SCD: variants seen among roughly 807,000 people sequenced by gnomAD.
SCD encodes acyl-CoA desaturase.
Under a neutral mutation model 35.7 loss-of-function variants are expected in SCD, and 4 were observed. The observed-to-expected ratio is 0.11, with a 90% CI of 0.06 to 0.26. The LOEUF is 0.26. Among genes scored for constraint, SCD ranks in the 10% least tolerant of loss-of-function variants. SCD has a pLI of 1.00. For missense variants in SCD, 282 were observed against 460.7 expected, an observed-to-expected ratio of 0.61 and a Z score of 3.55; for synonymous variants, 150 against 170.2, an observed-to-expected ratio of 0.88 and a Z score of 0.92.
At position 100,364,746 on chromosome 10, in the gene SCD, A is replaced by C. The variant is rs201893450; in HGVS notation, c.*3813A>C. 3 of 152,536 alleles carry C rather than the reference A, an allele frequency of 2.0e-5. No individual in the cohort carries two copies. Among genetic ancestry groups the C allele is most frequent in the Non-Finnish European group, 4.4e-5 (3 of 68,032 alleles). 9.4% of individuals were successfully genotyped at this position (152,536 alleles called of 1,614,324 possible). A position where few individuals can be genotyped will look rare whatever the true frequency, so the allele number is the denominator to read the frequency against. ...TTGTGACAAGAATAATTTTGGAATA[A>C]TTTCTATTAATATCAACTCTGAAGC... is the stretch of plus-strand genomic sequence containing the variant. On this transcript the variant is annotated 3_prime_UTR_variant, in exon 6 of 6. Transcript: ENST00000370355.
chr10:100,349,783 G>A lies in SCD; in HGVS notation c.310+1437G>A, dbSNP rs77647264. Reference sequence around the variant, plus strand: ...GCTCTTGTATTTGTGAGGGGAGGGCGACATCTGTTGTCTAGCCCCTCTGAG... The same window carrying A: ...GCTCTTGTATTTGTGAGGGGAGGGCAACATCTGTTGTCTAGCCCCTCTGAG... On this transcript the variant is annotated intron_variant, in intron 2 of 5. Transcript: ENST00000370355. Among the ~76,000 whole-genome samples, 401 of 152,200 alleles carry A rather than the reference G, an allele frequency of 2.6e-3. 2 individuals are homozygous for A. The highest frequency in any genetic ancestry group is 9.4e-3 in the African/African-American group (391 of 41,500).
chr10:100,347,510 G>T lies in SCD; in HGVS notation c.6G>T (p.Pro2=). 1 of 1,613,946 alleles carries T rather than the reference G, an allele frequency of 6.2e-7. No individual in the cohort carries two copies. ...CCCGGCATCCGAGAGCCAAGATGCC[G>T]GCCCACTTGCTGCAGGACGATGTGA... M[P]AHLLQDDISS... The change falls in exon 1 of 6, where the codon CCG becomes CCT. Residue 2 remains proline (P), a synonymous_variant. Transcript: ENST00000370355.
At chr10:100,348,027 T>G (rs1354068160) in intron 1 of SCD, 37 bp from the exon 2 acceptor site, 1 of 1,599,124 alleles carries the variant, frequency 6.3e-7, no homozygotes, top group Non-Finnish European at 8.5e-7. Context: ...CCTCCACGTG[T>G]CTCTTCTCCT....
intron 2 of SCD, among the ~76,000 whole-genome samples, chr10:100,349,799 C>A (rs1849852385): frequency 6.6e-6 from 1 of 151,926 alleles, no homozygotes; most frequent in South Asian, 2.1e-4. Context: ...TGTTGTCTAG[C>A]CCCTCTGAGG....
chr10:100,360,097 G>A (rs913306955), intron 5 of SCD, among the ~76,000 whole-genome samples: 1 of 152,168 alleles, frequency 6.6e-6, no homozygotes, highest in African/African-American at 2.4e-5. Context: ...CCAGCCCCTG[G>A]GCTGGCCTTT....
At chr10:100,349,035 G>A (rs1174012381) in intron 2 of SCD, among the ~76,000 whole-genome samples, 1 of 152,162 alleles carries the variant, frequency 6.6e-6, no homozygotes, top group Non-Finnish European at 1.5e-5. Flanking sequence ...TATGTTTCAT[G>A]TTCCATCCCC....
Position 100,356,617 on chromosome 10 carries a change from A to G in SCD, c.733A>G (p.Ser245Gly). ...TTTCTGGGGTGAAACTTTTCAAAACAGTGTGTTCGTTGCCACTTTCTTGCG... is the reference window on the plus strand; with the variant it reads ...TTTCTGGGGTGAAACTTTTCAAAACGGTGTGTTCGTTGCCACTTTCTTGCG... The part of the protein sequence containing the change: ...WYFWGETFQN[S>G]VFVATFLRYA... Residue 245 changes from serine to glycine, a missense_variant, in exon 5 of 6, where the codon AGT becomes GGT. By Grantham distance (56) the Ser-to-Gly change is moderately conservative. Coordinates refer to ENST00000370355, the MANE Select transcript of SCD (RefSeq NM_005063.5). This position sits in a 1 kb window ranked among gnomAD's most constrained non-coding sequence, Gnocchi z 4.1. The G allele has an allele frequency of 1.9e-6, 3 of 1,614,210 alleles. No individual in the cohort carries two copies. Among genetic ancestry groups the G allele is most frequent in the Non-Finnish European group, 2.5e-6 (3 of 1,180,040 alleles).
rs541619640 is a variant in SCD, at chr10:100,352,027, G to A, written c.311-339G>A. On this transcript the variant is annotated intron_variant, in intron 2 of 5. Coordinates refer to ENST00000370355, the MANE Select transcript of SCD (RefSeq NM_005063.5). This position sits in a 1 kb window ranked among gnomAD's most constrained non-coding sequence, Gnocchi z 4.2. ...TTGTGGCCCTTAAAACCTTAGAGAA[G>A]GCCTAGATAGAGGTGAAAGGAGATA... is the stretch of plus-strand genomic sequence containing the variant. 6.6e-6 allele frequency among the ~76,000 whole-genome samples: 1 copy of A among 152,208 alleles called. No homozygotes were observed. Among genetic ancestry groups the A allele is most frequent in the African/African-American group, 2.4e-5 (1 of 41,520 alleles).
At position 100,351,396 on chromosome 10, in the gene SCD, G is replaced by A. The variant is rs115891975; in HGVS notation, c.311-970G>A. Among the ~76,000 whole-genome samples the A allele has an allele frequency of 2.0e-3, 299 of 152,280 alleles. 2 individuals carry two copies. Among genetic ancestry groups the A allele is most frequent in the African/African-American group, 6.7e-3 (280 of 41,554 alleles). ...GGGATGTGGCAAAGGCGAGACAGAGGAGTTGTGCATGTATCTTGGGGGAGG... is the reference window on the plus strand; with the variant it reads ...GGGATGTGGCAAAGGCGAGACAGAGAAGTTGTGCATGTATCTTGGGGGAGG... On this transcript the variant is annotated intron_variant, in intron 2 of 5. Transcript: ENST00000370355.
At chr10:100,347,835 G>T (rs1327287765) in intron 1 of SCD, among the ~76,000 whole-genome samples, 1 of 152,056 alleles carries the variant, frequency 6.6e-6, no homozygotes, top group African/African-American at 2.4e-5. Context: ...GCCGCCTCCC[G>T]ATAGGTTTCG....
Position 100,352,322 on chromosome 10 carries a change from AACTCACACT to A in SCD, c.311-43_311-35del. 1 of 1,602,810 alleles carries A rather than the reference AACTCACACT, an allele frequency of 6.2e-7. No individual in the cohort carries two copies. The highest frequency in any genetic ancestry group is 1.1e-5 in the South Asian group (1 of 90,456). ...GTCTCTGGCATCCTTTCCCAGATGG[AACTCACACT>A]GATTGGTGACTCCCCCACTGTCTTC... is the stretch of plus-strand genomic sequence containing the variant. On this transcript the variant is annotated intron_variant, in intron 2 of 5. Coordinates refer to ENST00000370355, the MANE Select transcript of SCD (RefSeq NM_005063.5). This position sits in a 1 kb window ranked among gnomAD's most constrained non-coding sequence, Gnocchi z 4.2.
In SCD at chr10:100,354,417, C is replaced by G; in HGVS notation, c.442-10C>G. 1 of 1,611,654 alleles carries G rather than the reference C, an allele frequency of 6.2e-7. No homozygotes were observed. The highest frequency in any genetic ancestry group is 8.5e-7 in the Non-Finnish European group (1 of 1,177,754). On this transcript the variant is annotated splice_polypyrimidine_tract_variant and intron_variant, in intron 3 of 5. Coordinates refer to ENST00000370355, the MANE Select transcript of SCD (RefSeq NM_005063.5). ...CTCAAGCCTTACATTCCTCTTCTCT[C>G]TCTCCCCAGAATGATGTCTATGAAT...
Position 100,348,236 on chromosome 10 carries a change from C to T in SCD, c.200C>T (p.Pro67Leu). 1 of 1,614,114 alleles carries T rather than the reference C, an allele frequency of 6.2e-7. No homozygotes were observed. Among genetic ancestry groups the T allele is most frequent in the South Asian group, 1.1e-5 (1 of 91,082 alleles). The change falls in exon 2 of 6, where the codon CCC (proline) becomes CTC (leucine). Residue 67 changes from proline (P) to leucine (L), a missense_variant. This residue lies in a region of SCD where 77 missense variants were observed against 88.4 expected (regional missense o/e 0.87). Coordinates refer to ENST00000370355, the MANE Select transcript of SCD (RefSeq NM_005063.5). Reference sequence around the variant, plus strand: ...TACAAGGATAAGGAAGGCCCAAGCCCCAAGGTTGAATATGTCTGGAGAAAC... The same window carrying T: ...TACAAGGATAAGGAAGGCCCAAGCCTCAAGGTTGAATATGTCTGGAGAAAC... ...PTYKDKEGPS[P>L]KVEYVWRNII...
chr10:100,358,509 G>A (rs1310807943), intron 5 of SCD, among the ~76,000 whole-genome samples: 2 of 148,096 alleles, frequency 1.4e-5, no homozygotes, highest in Non-Finnish European at 3.0e-5. Flanking sequence ...GGAGAATGGC[G>A]TGAACCCGGG....
rs1198640138 is a variant in SCD at position 100,352,592 on chromosome 10, A to C, written c.441+96A>C. ...CAGCACCAGAGAGGAGCCACACCTG[A>C]CAGCCATTTCACTTTCCTCTCTCCT... On this transcript the variant is annotated intron_variant, in intron 3 of 5. Coordinates refer to ENST00000370355, the MANE Select transcript of SCD (RefSeq NM_005063.5). The surrounding 1 kb of genome is among the most constrained non-coding windows in gnomAD (Gnocchi z 4.2). The C allele has an allele frequency of 8.3e-7, 1 of 1,205,088 alleles. No homozygotes were observed. The allele number at this position is 1,205,088 out of a possible 1,614,324, so 74.6% of individuals were successfully genotyped here.
chr10:100,360,189 G>A (rs1195826845), intron 5 of SCD, among the ~76,000 whole-genome samples: 1 of 152,232 alleles, frequency 6.6e-6, no homozygotes, highest in Non-Finnish European at 1.5e-5. Context: ...GGAAAGGTGT[G>A]CTTCTTTACT....
intron 3 of SCD, among the ~76,000 whole-genome samples, chr10:100,353,597 A>G (rs982791261): frequency 6.6e-6 from 1 of 151,994 alleles, no homozygotes; most frequent in Admixed American, 6.6e-5. Flanking sequence ...AAAAAAAAAA[A>G]AAAGTTTATA....
At position 100,351,391 on chromosome 10, in the gene SCD, CAG is replaced by C. The variant is rs529122108; in HGVS notation, c.311-972_311-971del. Among the ~76,000 whole-genome samples, 97 of 152,220 alleles carry C rather than the reference CAG, an allele frequency of 6.4e-4. 2 individuals are homozygous for C. Among genetic ancestry groups the C allele is most frequent in the African/African-American group, 2.1e-3 (87 of 41,536 alleles). On this transcript the variant is annotated intron_variant, in intron 2 of 5. Coordinates refer to ENST00000370355, the MANE Select transcript of SCD (RefSeq NM_005063.5). The stretch of plus-strand genomic sequence containing the variant: ...TGACAGGGATGTGGCAAAGGCGAGA[CAG>C]AGGAGTTGTGCATGTATCTTGGGGG...
intron 5 of SCD, among the ~76,000 whole-genome samples, chr10:100,359,535 T>C (rs1849967590): frequency 6.6e-6 from 1 of 152,214 alleles, no homozygotes; most frequent in South Asian, 2.1e-4. Context: ...AAACCATTAA[T>C]GGACATTAAT....
Sources: gnomAD v4.1 joint callset for allele counts (sites outside exome capture counted in the v4.1 genomes callset) on GRCh38, gnomAD v4.1.1 for gene constraint, gnomAD v4.1.1 regional missense constraint, Gnocchi (gnomAD v3.1) non-coding constraint, MANE v1.5 for transcripts, NCBI Gene and HGNC (gene_info 2026-07-23, HGNC 2026-07-21) for gene names.